The following AGMO variants were observed in gnomAD, a reference collection of about 807,000 sequenced individuals.
AGMO encodes the protein glyceryl-ether monooxygenase.
AGMO carries 75 observed loss-of-function variants against 60.2 expected under a neutral mutation model. The observed-to-expected ratio is 1.25, with a 90% CI of 1.03 to 1.51. The LOEUF is 1.51. Ranked by LOEUF, AGMO falls within the 40% of genes most tolerant of loss-of-function variation. The probability of loss-of-function intolerance (pLI) is 0.00; values close to 1 mark genes in which losing one functional copy is unlikely to be tolerated. For missense variants in AGMO, 763 were observed against 525.5 expected (o/e 1.45, Z -4.42); for synonymous variants, 261 against 177.1 (o/e 1.47, Z -3.76).
the AGMO span, among the ~76,000 whole-genome samples, chr7:15,177,265 A>G: frequency 5.3e-5 from 8 of 152,192 alleles, no homozygotes; most frequent in East Asian, 3.9e-4. Context: ...ATATTAGGTA[A>G]TGAAAAGAAT....
intron 3 of AGMO, among the ~76,000 whole-genome samples, chr7:15,542,309 T>A (rs116412518): frequency 0.01 from 1,586 of 152,292 alleles, 13 homozygotes; most frequent in African/African-American, 0.036. Flanking sequence ...GTTTTCAAAA[T>A]TTTTTTAATG....
At chr7:15,127,421 T>C in the AGMO span, among the ~76,000 whole-genome samples, 1 of 152,224 alleles carries the variant, frequency 6.6e-6, no homozygotes, top group African/African-American at 2.4e-5. Context: ...GAGTAATACG[T>C]AAATAAATCT....
intron 4 of AGMO, among the ~76,000 whole-genome samples, chr7:15,428,551 A>G (rs1781134459): frequency 1.3e-5 from 2 of 152,170 alleles, no homozygotes; most frequent in South Asian, 4.1e-4. Flanking sequence ...AAAGGACACA[A>G]GAGAAACCAA....
intron 12 of AGMO, among the ~76,000 whole-genome samples, chr7:15,228,299 C>T (rs552140334): frequency 1.9e-4 from 29 of 152,024 alleles, no homozygotes; most frequent in African/African-American, 7.0e-4. Flanking sequence ...GAAGGCTTTC[C>T]AAACGATAAA....
intron 12 of AGMO, among the ~76,000 whole-genome samples, chr7:15,211,529 A>G (rs1781591083): frequency 6.6e-6 from 1 of 151,764 alleles, no homozygotes; most frequent in African/African-American, 2.4e-5. Flanking sequence ...TCTATTATGG[A>G]CCCTGTCCTT....
intron 3 of AGMO, among the ~76,000 whole-genome samples, chr7:15,450,112 A>G (rs1185982525): frequency 6.6e-6 from 1 of 152,208 alleles, no homozygotes; most frequent in African/African-American, 2.4e-5. Flanking sequence ...GATTGCATCA[A>G]CTAAACATTT....
intron 12 of AGMO, among the ~76,000 whole-genome samples, chr7:15,359,103 C>G (rs1179187128): frequency 6.6e-6 from 1 of 151,976 alleles, no homozygotes; most frequent in Non-Finnish European, 1.5e-5. Context: ...TCCTGGCTAA[C>G]ATGGTGAAAC....
chr7:15,473,664 A>G (rs1433495152), intron 3 of AGMO, among the ~76,000 whole-genome samples: 3 of 151,918 alleles, frequency 2.0e-5, no homozygotes. Context: ...GACAAGGATG[A>G]CCTCTGTCAC....
chr7:15,447,456 C>T (rs943681894), intron 3 of AGMO, among the ~76,000 whole-genome samples: 1 of 152,190 alleles, frequency 6.6e-6, no homozygotes, highest in Admixed American at 6.5e-5. Context: ...CCATTGAACC[C>T]CATAGCGGGA....
chr7:15,484,253 A>G (rs1562530261), intron 3 of AGMO, among the ~76,000 whole-genome samples: 1 of 152,174 alleles, frequency 6.6e-6, no homozygotes, highest in Non-Finnish European at 1.5e-5. Flanking sequence ...TATAATTATT[A>G]TTATCATTAT....
intron 3 of AGMO, among the ~76,000 whole-genome samples, chr7:15,492,648 A>C (rs2128521402): frequency 6.6e-6 from 1 of 152,140 alleles, no homozygotes; most frequent in Non-Finnish European, 1.5e-5. Context: ...CTAGGTCATA[A>C]GGTCAGTGAA....
intron 12 of AGMO, among the ~76,000 whole-genome samples, chr7:15,245,510 C>T (rs2128504429): frequency 6.6e-6 from 1 of 152,228 alleles, no homozygotes; most frequent in Admixed American, 6.5e-5. Flanking sequence ...CCTCCCTCAA[C>T]TTGGCAAGGC....
intron 12 of AGMO, among the ~76,000 whole-genome samples, chr7:15,305,601 T>A (rs1178091227): frequency 6.6e-6 from 1 of 151,996 alleles, no homozygotes; most frequent in Non-Finnish European, 1.5e-5. Context: ...CAGAAATTAC[T>A]TCAAAATTAC....
rs780799912 is a variant in AGMO, at chr7:15,365,512, A to AC, written c.1263+1dup. 2.7e-5 allele frequency: 44 copies of AC among 1,605,134 alleles called. No individual in the cohort carries two copies. In the South Asian group the frequency reaches 4.9e-4, roughly 18 times the overall value. The stretch of plus-strand genomic sequence containing the variant: ...CTGTGGCTACCTAAACAAATGTCTT[A>AC]CCTCAAAAGCAGATGACAATGAAGG... On this transcript the variant is annotated splice_donor_variant, in intron 12 of 12. Transcript: ENST00000342526. LOFTEE classifies it high-confidence loss of function.
intron 12 of AGMO, among the ~76,000 whole-genome samples, chr7:15,240,372 C>G (rs931548910): frequency 3.9e-5 from 6 of 152,012 alleles, no homozygotes; most frequent in African/African-American, 1.5e-4. Flanking sequence ...TGTGCTAATT[C>G]TTAGTGACCA....
At chr7:15,548,042 C>T (rs949280505) in intron 2 of AGMO, among the ~76,000 whole-genome samples, 7 of 152,112 alleles carry the variant, frequency 4.6e-5, no homozygotes, top group South Asian at 2.1e-4. Context: ...GGAGGCACCC[C>T]CCAGCAGGGG....
Position 15,365,572 on chromosome 7 carries a change from A to G in AGMO, c.1205T>C (p.Met402Thr), listed in dbSNP as rs772911906. 3 of 1,612,958 alleles carry G rather than the reference A, an allele frequency of 1.9e-6. No individual in the cohort carries two copies. The highest frequency in any genetic ancestry group is 2.5e-6 in the Non-Finnish European group (3 of 1,179,156). The change falls in exon 12 of 13, where the codon ATG (methionine) becomes ACG (threonine). Residue 402 changes from methionine (M) to threonine (T), a missense_variant. Transcript: ENST00000342526. ...METLRCLMFLMLYRFGHLKPL... is the reference protein window; with the variant it reads ...METLRCLMFLTLYRFGHLKPL... ...CTTCAGGTGACCAAATCGGTACAGCATTAAGAACATCAAGCAACGGAGAGT... is the reference window on the plus strand; with the variant it reads ...CTTCAGGTGACCAAATCGGTACAGCGTTAAGAACATCAAGCAACGGAGAGT...
chr7:15,280,801 G>A (rs1242396152), intron 12 of AGMO, among the ~76,000 whole-genome samples: 2 of 152,188 alleles, frequency 1.3e-5, no homozygotes, highest in African/African-American at 2.4e-5. Context: ...TCCTGAGTTT[G>A]TCCATGTGAC....
chr7:15,118,785 G>A, the AGMO span, among the ~76,000 whole-genome samples: 68 of 151,064 alleles, frequency 4.5e-4, no homozygotes, highest in East Asian at 0.01. Flanking sequence ...TACCACCTGA[G>A]GAGCTTTAAA....
Sources: gnomAD v4.1 joint callset for allele counts (sites outside exome capture counted in the v4.1 genomes callset) on GRCh38, gnomAD v4.1.1 for gene constraint, MANE v1.5 for transcripts, NCBI Gene and HGNC (gene_info 2026-07-23, HGNC 2026-07-21) for gene names.